The following SNX7 variants were observed in gnomAD, a reference collection of about 807,000 sequenced individuals.
SNX7 encodes the protein sorting nexin 7.
In SNX7, 35 loss-of-function variants were observed where a neutral mutation model predicts 48.4. That is an observed-to-expected ratio of 0.72 (90% CI 0.55 to 0.96). SNX7 has a LOEUF of 0.96. Ranked by LOEUF, SNX7 falls within the 40% of genes least tolerant of loss-of-function variation. The pLI is 0.00. For synonymous variants in SNX7, 190 were observed against 190.2 expected (o/e 1.00, Z 0.01); for missense variants, 553 against 548.9 (o/e 1.01, Z -0.07).
intron 8 of SNX7, among the ~76,000 whole-genome samples, chr1:98,758,319 G>A (rs890082151): frequency 3.3e-5 from 5 of 151,866 alleles, no homozygotes; most frequent in African/African-American, 4.8e-5. Flanking sequence ...CTCCTGTACC[G>A]TCTAAGAGGA....
intron 1 of SNX7, among the ~76,000 whole-genome samples, chr1:98,675,912 C>T (rs143884133): frequency 3.3e-5 from 5 of 152,264 alleles, no homozygotes; most frequent in Admixed American, 6.5e-5. Flanking sequence ...TTTATCACTA[C>T]GGTTCTTACT....
chr1:98,751,747 T>G (rs1375531183), intron 8 of SNX7, among the ~76,000 whole-genome samples: 1 of 152,130 alleles, frequency 6.6e-6, no homozygotes, highest in Non-Finnish European at 1.5e-5. Flanking sequence ...AACACAGTAC[T>G]GCACTATGAG....
At chr1:98,691,914 T>TATATACAC (rs143738586) in intron 4 of SNX7, among the ~76,000 whole-genome samples, 27 of 133,570 alleles carry the variant, frequency 2.0e-4, no homozygotes, top group South Asian at 5.3e-4. Flanking sequence ...TCCATATATA[T>TATATACAC]ACACACACAC....
rs897405026 is a variant in SNX7 at position 98,751,708 on chromosome 1, A to G, written c.1279-8346A>G. Among the ~76,000 whole-genome samples, 66 of 152,130 alleles carry G rather than the reference A, an allele frequency of 4.3e-4. 1 individual carries two copies. The highest frequency in any genetic ancestry group is 3.4e-3 in the Middle Eastern group (1 of 294). On this transcript the variant is annotated intron_variant, in intron 8 of 8. Transcript: ENST00000306121. ...CTGCAGTGAGAAGGAGCTGTTCACCATGGTTTCATGTAGTAGAGCACTGGA... is the reference window on the plus strand; with the variant it reads ...CTGCAGTGAGAAGGAGCTGTTCACCGTGGTTTCATGTAGTAGAGCACTGGA...
At chr1:98,678,193 C>T (rs373935216) in intron 1 of SNX7, among the ~76,000 whole-genome samples, 16 of 152,210 alleles carry the variant, frequency 1.1e-4, no homozygotes, top group Middle Eastern at 3.4e-3. Flanking sequence ...AGGTGAAGGA[C>T]GGCCAGCATG....
chr1:98,740,019 T>G (rs1046097510), intron 8 of SNX7, among the ~76,000 whole-genome samples: 1 of 152,178 alleles, frequency 6.6e-6, no homozygotes, highest in South Asian at 2.1e-4. Flanking sequence ...AGATGTGAAC[T>G]GACCTAGGAG....
chr1:98,696,008 A>G (rs1651436189), intron 5 of SNX7, among the ~76,000 whole-genome samples: 1 of 152,176 alleles, frequency 6.6e-6, no homozygotes, highest in Non-Finnish European at 1.5e-5. Flanking sequence ...TTCAACATGG[A>G]ACAGAGCTCA....
chr1:98,730,816 G>A (rs1195614836), intron 7 of SNX7, among the ~76,000 whole-genome samples: 5 of 152,050 alleles, frequency 3.3e-5, no homozygotes, highest in African/African-American at 4.8e-5. Flanking sequence ...TGTGAAAATG[G>A]CCGTACTACC....
At chr1:98,747,649 A>G (rs1430078917) in intron 8 of SNX7, among the ~76,000 whole-genome samples, 3 of 152,200 alleles carry the variant, frequency 2.0e-5, no homozygotes, top group African/African-American at 7.2e-5. Context: ...TCTTACACTT[A>G]ATATAGTGTC....
At chr1:98,755,130 G>A (rs980053032) in intron 8 of SNX7, among the ~76,000 whole-genome samples, 5 of 152,030 alleles carry the variant, frequency 3.3e-5, no homozygotes, top group African/African-American at 1.2e-4. Context: ...TTCTGGTACT[G>A]ATTTATAATT....
At chr1:98,725,159 T>C (rs1653099293) in intron 7 of SNX7, among the ~76,000 whole-genome samples, 1 of 152,230 alleles carries the variant, frequency 6.6e-6, no homozygotes, top group African/African-American at 2.4e-5. Context: ...CTTGTGTGAA[T>C]ATCACTACTC....
rs12025103 is a variant in SNX7 at position 98,679,695 on chromosome 1, G to A, written c.181-5190G>A. On this transcript the variant is annotated intron_variant, in intron 1 of 8. Transcript: ENST00000306121. Reference sequence around the variant, plus strand: ...TCATGCAAGTCTGAAATCCAGTGGGGTAGTCAAATCTTAAAACTCCAAAAT... The same window carrying A: ...TCATGCAAGTCTGAAATCCAGTGGGATAGTCAAATCTTAAAACTCCAAAAT... Among the ~76,000 whole-genome samples the A allele has an allele frequency of 9.9e-3, 1,514 of 152,288 alleles. 15 individuals carry two copies. Among genetic ancestry groups the A allele is most frequent in the Admixed American group, 0.032 (490 of 15,294 alleles).
rs185130154 is a variant in SNX7, at chr1:98,732,584, T to G, written c.1126-5653T>G. ...AAGGAAAGGCAGCTTCTTGCATGAC[T>G]CAGCTTTCAGCTTAATTTTTTTCCT... is the stretch of plus-strand genomic sequence containing the variant. On this transcript the variant is annotated intron_variant, in intron 7 of 8. Coordinates refer to ENST00000306121, the MANE Select transcript of SNX7 (RefSeq NM_015976.5). Among the ~76,000 whole-genome samples, 553 of 152,248 alleles carry G rather than the reference T, an allele frequency of 3.6e-3. 4 individuals are homozygous for G. Among genetic ancestry groups the G allele is most frequent in the Non-Finnish European group, 4.6e-3 (310 of 68,004 alleles).
rs751105337 is a variant in SNX7, at chr1:98,760,089, G to C, written c.1314G>C (p.Gln438His). Residue 438 changes from glutamine (Q) to histidine (H), a missense_variant, in exon 9 of 9, where the codon CAG becomes CAC. Physicochemically the swap from Gln to His is conservative, Grantham distance 24. Coordinates refer to ENST00000306121, the MANE Select transcript of SNX7 (RefSeq NM_015976.5). ...LATWESFLTSQTNLHLEEASE... is the reference protein window; with the variant it reads ...LATWESFLTSHTNLHLEEASE... ...CGTGGGAGTCATTCCTTACATCACA[G>C]ACCAACCTTCACTTGGAAGAAGCCT... is the stretch of plus-strand genomic sequence containing the variant. 7.5e-6 allele frequency: 12 copies of C among 1,610,146 alleles called. No homozygotes were observed. The highest frequency in any genetic ancestry group is 1.0e-5 in the Non-Finnish European group (12 of 1,176,834).
chr1:98,700,356 T>G (rs1651684344), intron 6 of SNX7, among the ~76,000 whole-genome samples: 1 of 152,160 alleles, frequency 6.6e-6, no homozygotes, highest in African/African-American at 2.4e-5. Flanking sequence ...AACCAGTGCT[T>G]CATCTTTTTT....
chr1:98,685,760 T>C (rs1174066983), intron 2 of SNX7, among the ~76,000 whole-genome samples: 1 of 152,218 alleles, frequency 6.6e-6, no homozygotes, highest in Admixed American at 6.5e-5. Context: ...TTTTTTTAGC[T>C]GAAAAAGTTC....
intron 8 of SNX7, among the ~76,000 whole-genome samples, chr1:98,746,713 T>C (rs1467992212): frequency 1.3e-5 from 2 of 152,110 alleles, no homozygotes; most frequent in African/African-American, 4.8e-5. Flanking sequence ...GCCAACTGCC[T>C]TTGAACTTAT....
intron 8 of SNX7, among the ~76,000 whole-genome samples, chr1:98,739,263 C>T (rs1653950255): frequency 6.6e-6 from 1 of 152,114 alleles, no homozygotes; most frequent in Non-Finnish European, 1.5e-5. Context: ...TGCTCACCCG[C>T]CGCTCACCTC....
chr1:98,755,004 TATTC>T (rs1446228345), intron 8 of SNX7, among the ~76,000 whole-genome samples: 1 of 152,138 alleles, frequency 6.6e-6, no homozygotes, highest in Non-Finnish European at 1.5e-5. Flanking sequence ...TGTGTTTTCA[TATTC>T]ATTCAGTTCA....
Sources: gnomAD v4.1 joint callset for allele counts (sites outside exome capture counted in the v4.1 genomes callset) on GRCh38, gnomAD v4.1.1 for gene constraint, MANE v1.5 for transcripts, NCBI Gene and HGNC (gene_info 2026-07-23, HGNC 2026-07-21) for gene names.